Variants in CLCN7 observed in about 807,000 individuals in gnomAD.
CLCN7 encodes H(+)/Cl(-) exchange transporter 7.
In CLCN7, 60 loss-of-function variants were observed where a neutral mutation model predicts 102.1. That is an observed-to-expected ratio of 0.59 (90% CI 0.48 to 0.73). The LOEUF is 0.73. Among genes scored for constraint, CLCN7 ranks in the 30% least tolerant of loss-of-function variants. The pLI is 0.00. For missense variants in CLCN7, 962 were observed against 1,125.7 expected (o/e 0.85, Z 2.08); for synonymous variants, 560 against 490.5 (o/e 1.14, Z -1.87).
intron 1 of CLCN7, chr16:1,472,811 CG>C (rs2039095172): frequency 7.1e-6 from 1 of 141,714 alleles, no homozygotes; most frequent in Non-Finnish European, 1.5e-5. Flanking sequence ...CAAACTACCT[CG>C]GAAAAAAAAA....
In CLCN7 at chr16:1,461,574, C is replaced by A. The variant is rs752812147; in HGVS notation, c.285+29G>T. 1.9e-6 allele frequency: 3 copies of A among 1,612,858 alleles called. No individual in the cohort carries two copies. The South Asian group carries it at 3.3e-5, about 18-fold the overall frequency. ...CTGGCAGGGGGCAGAGGCCGGGTCT[C>A]AGGGTCAGGGGGACAGAAGGACGCC... On this transcript the variant is annotated intron_variant, in intron 3 of 24. Transcript: ENST00000382745.
At chr16:1,463,325 G>A (rs921969717) in intron 2 of CLCN7, among the ~76,000 whole-genome samples, 2 of 152,188 alleles carry the variant, frequency 1.3e-5, no homozygotes, top group African/African-American at 4.8e-5. Flanking sequence ...AGAAAAAACA[G>A]ATTAGCTGAA....
At chr16:1,452,707 C>T (rs1274322993) in intron 15 of CLCN7, 48 bp downstream of exon 15, 4 of 1,553,094 alleles carry the variant, frequency 2.6e-6, no homozygotes, top group Non-Finnish European at 3.5e-6. Context: ...TGGAGGCCGC[C>T]CTGTGGCTGC....
intron 2 of CLCN7, among the ~76,000 whole-genome samples, chr16:1,462,670 A>AC (rs58533451): frequency 0.39 from 54,855 of 142,446 alleles, 11,164 homozygotes; most frequent in Non-Finnish European, 0.44. Flanking sequence ...AAAGCCAAAA[A>AC]AAAAAAAAAA....
At chr16:1,463,976 T>C (rs778706074) in intron 2 of CLCN7, among the ~76,000 whole-genome samples, 9 of 152,188 alleles carry the variant, frequency 5.9e-5, no homozygotes, top group East Asian at 1.9e-4. Context: ...GGTTTCACCA[T>C]GTTGATCAGG....
chr16:1,465,074 C>T (rs2038986431), intron 2 of CLCN7, among the ~76,000 whole-genome samples, 193 bp downstream of exon 2: 1 of 152,208 alleles, frequency 6.6e-6, no homozygotes, highest in Non-Finnish European at 1.5e-5. Context: ...TGCACTCCTC[C>T]GTCTGAGAGC....
At chr16:1,473,737 A>G (rs534620512) in intron 1 of CLCN7, among the ~76,000 whole-genome samples, 2 of 152,200 alleles carry the variant, frequency 1.3e-5, no homozygotes, top group African/African-American at 2.4e-5. Flanking sequence ...AATGTAAAGA[A>G]TAACTGCAAA....
At position 1,457,778 on chromosome 16, in the gene CLCN7, G is replaced by A. The variant is rs939006081; in HGVS notation, c.676-22C>T. On this transcript the variant is annotated intron_variant, in intron 7 of 24. Coordinates refer to ENST00000382745, the MANE Select transcript of CLCN7 (RefSeq NM_001287.6). This position sits in a 1 kb window ranked among gnomAD's most constrained non-coding sequence, Gnocchi z 5.4. ...ACGTCTGAAACACAGGGAGACGCAT[G>A]GCCTCTGATGAAAAGGCAGGCGCTG... The A allele has an allele frequency of 1.1e-5, 17 of 1,609,996 alleles. No homozygotes were observed. The highest frequency in any genetic ancestry group is 1.7e-4 in the Middle Eastern group (1 of 6,058).
intron 21 of CLCN7, 74 bp from the exon 22 acceptor site, chr16:1,447,788 C>T (rs1309261048): frequency 9.5e-6 from 14 of 1,472,822 alleles, no homozygotes; most frequent in East Asian, 4.9e-5. Flanking sequence ...TGTCGGGCCC[C>T]GCTCTGACCC....
Position 1,457,713 on chromosome 16 carries a change from C to CCGACCA in CLCN7, c.713_718dup (p.Val238_Val239dup). On this transcript the variant is annotated inframe_insertion, in exon 8 of 25. Coordinates refer to ENST00000382745, the MANE Select transcript of CLCN7 (RefSeq NM_001287.6). This position sits in a 1 kb window ranked among gnomAD's most constrained non-coding sequence, Gnocchi z 5.4. The stretch of plus-strand genomic sequence containing the variant: ...TGTTACCTTTCCCACGGCCAGGCCC[C>CCGACCA]CGACCACGGACAGGATCACACCGGA... 6.2e-7 allele frequency: 1 copy of CCGACCA among 1,613,880 alleles called. No individual in the cohort carries two copies. Among genetic ancestry groups the CCGACCA allele is most frequent in the Non-Finnish European group, 8.5e-7 (1 of 1,180,024 alleles).
chr16:1,451,115 G>A (rs1469263204), intron 16 of CLCN7, among the ~76,000 whole-genome samples: 1 of 152,246 alleles, frequency 6.6e-6, no homozygotes, highest in Admixed American at 6.5e-5. Context: ...GAGGTGAAAG[G>A]CCGGCACTCC....
rs770192718 is a variant in CLCN7, at chr16:1,465,303, C to G, written c.177G>C (p.Met59Ile). 11 of 1,613,804 alleles carry G rather than the reference C, an allele frequency of 6.8e-6. No individual in the cohort carries two copies. The Admixed American group carries it at 1.8e-4, about 27-fold the overall frequency. ...PRSALFRVGH[M>I]SSVELDDELL... ...GTTCATCATCCAGCTCCACGCTGCT[C>G]ATATGTCCGACTCGGAAAAGCGCAG... is the stretch of plus-strand genomic sequence containing the variant. Residue 59 changes from methionine (M) to isoleucine (I), a missense_variant, in exon 2 of 25, where the codon ATG becomes ATC. Physicochemically the swap from Met to Ile is conservative, Grantham distance 10. This residue lies in a region of CLCN7 where 163 missense variants were observed against 137.7 expected (regional missense o/e 1.18). Transcript: ENST00000382745.
intron 1 of CLCN7, chr16:1,474,296 G>C (rs1051251873): frequency 4.6e-6 from 2 of 439,034 alleles, no homozygotes; most frequent in Admixed American, 2.4e-5. Context: ...TCACTCCCAA[G>C]ATCACCTGAA....
intron 1 of CLCN7, among the ~76,000 whole-genome samples, chr16:1,469,985 G>A (rs898496272): frequency 6.6e-6 from 1 of 152,216 alleles, no homozygotes; most frequent in Admixed American, 6.5e-5. Flanking sequence ...AGGTCCACTC[G>A]CAAGAGGGCC....
chr16:1,459,595 T>G (rs12929667), intron 6 of CLCN7, among the ~76,000 whole-genome samples: 8 of 19,838 alleles, frequency 4.0e-4, no homozygotes, highest in South Asian at 1.8e-3. Flanking sequence ...GAAGGGGAGC[T>G]CAGCACACAC....
chr16:1,454,020 G>C, intron 13 of CLCN7, 126 bp from the exon 14 acceptor site: 2 of 855,200 alleles, frequency 2.3e-6, no homozygotes, highest in East Asian at 2.6e-5. Context: ...GGGGCTAGGG[G>C]GTCCTGGTAA....
In CLCN7 at chr16:1,474,933, G is replaced by T; in HGVS notation, c.42C>A (p.Asp14Glu). 3 of 1,483,074 alleles carry T rather than the reference G, an allele frequency of 2.0e-6. No homozygotes were observed. In the South Asian group the frequency reaches 3.8e-5, roughly 19 times the overall value. 91.9% of individuals were successfully genotyped at this position (1,483,074 alleles called of 1,614,324 possible). Reference sequence around the variant, plus strand: ...GCGGCGCCGCCTCCTCGTCGTCCCGGTCCCGGCCGGACCAGGACACCTTCT... The same window carrying T: ...GCGGCGCCGCCTCCTCGTCGTCCCGTTCCCGGCCGGACCAGGACACCTTCT... ...VSKKVSWSGR[D>E]RDDEEAAPLL... The change falls in exon 1 of 25, where the codon GAC becomes GAA. Residue 14 changes from aspartate to glutamate, a missense_variant. This residue lies in a region of CLCN7 where 163 missense variants were observed against 137.7 expected (regional missense o/e 1.18). Transcript: ENST00000382745.
intron 15 of CLCN7, 137 bp from the exon 16 acceptor site, chr16:1,451,853 T>C (rs2038756953): frequency 7.0e-6 from 5 of 711,458 alleles, no homozygotes; most frequent in Admixed American, 4.1e-5. Context: ...GATCCTGCCA[T>C]TGGGTCAGGG....
At chr16:1,455,839 C>A (rs932714495) in intron 10 of CLCN7, 44 bp from the exon 11 acceptor site, 2 of 1,593,696 alleles carry the variant, frequency 1.3e-6, no homozygotes, top group South Asian at 1.1e-5. Flanking sequence ...GGACACAGGG[C>A]ACCATGCCCA....
Sources: allele counts gnomAD v4.1 joint callset (sites outside exome capture counted in the v4.1 genomes callset), GRCh38; gene constraint gnomAD v4.1.1; regional missense constraint gnomAD v4.1.1; non-coding constraint Gnocchi (gnomAD v3.1); transcripts MANE v1.5; gene names NCBI Gene and HGNC (gene_info 2026-07-23, HGNC 2026-07-21).